Variants in VWA5B1 observed in about 807,000 individuals in gnomAD.
VWA5B1 encodes the protein von Willebrand factor A domain containing 5B1.
A neutral mutation model predicts 118.2 loss-of-function variants in VWA5B1; 115 were observed. The observed-to-expected ratio is 0.97, with a 90% CI of 0.84 to 1.14. The LOEUF (loss-of-function observed/expected upper bound fraction) is 1.14. Ranked by LOEUF, VWA5B1 falls within the 50% of genes most tolerant of loss-of-function variation. The pLI is 0.00. For synonymous variants in VWA5B1, 682 were observed against 658.4 expected (o/e 1.04, Z -0.55); for missense variants, 1,596 against 1,603.8 (o/e 1.00, Z 0.08).
At chr1:20,305,661 T>C (rs1361569232) in intron 1 of VWA5B1, among the ~76,000 whole-genome samples, 1 of 151,700 alleles carries the variant, frequency 6.6e-6, no homozygotes, top group Non-Finnish European at 1.5e-5. Flanking sequence ...AGGGGAAGGT[T>C]TGGAGAGGTG....
chr1:20,322,026 G>C (rs944850810), intron 7 of VWA5B1, among the ~76,000 whole-genome samples: 15 of 152,210 alleles, frequency 9.9e-5, no homozygotes, highest in African/African-American at 3.4e-4. Flanking sequence ...AAGAGAGCAG[G>C]ATGAGACTAT....
intron 1 of VWA5B1, among the ~76,000 whole-genome samples, chr1:20,295,856 GAGGTTGT>G (rs2088396705): frequency 6.6e-6 from 1 of 152,138 alleles, no homozygotes; most frequent in South Asian, 2.1e-4. Context: ...CCATAGATGT[GAGGTTGT>G]AGGTTGTTTG....
At chr1:20,318,516 G>C (rs774432931) in intron 5 of VWA5B1, 74 bp from the exon 6 acceptor site, 2 of 1,539,106 alleles carry the variant, frequency 1.3e-6, no homozygotes, top group Non-Finnish European at 1.8e-6. Context: ...CCTGGATCTC[G>C]GTGTGCCCCA....
At chr1:20,351,230 G>A (rs899591628) in intron 20 of VWA5B1, among the ~76,000 whole-genome samples, 1 of 152,188 alleles carries the variant, frequency 6.6e-6, no homozygotes, top group Non-Finnish European at 1.5e-5. Context: ...AGTAAAAGAG[G>A]GTCACAATCC....
intron 11 of VWA5B1, among the ~76,000 whole-genome samples, chr1:20,332,514 T>TAA (rs1351250006): frequency 6.7e-6 from 1 of 148,446 alleles, no homozygotes; most frequent in African/African-American, 2.5e-5. Context: ...TAAAATAAAA[T>TAA]AAAATAAAAT....
chr1:20,327,618 A>G (rs1042192430), intron 8 of VWA5B1, among the ~76,000 whole-genome samples: 1 of 150,094 alleles, frequency 6.7e-6, no homozygotes. Context: ...GACCTGCTAC[A>G]TGGATAAGTT....
intron 12 of VWA5B1, among the ~76,000 whole-genome samples, chr1:20,335,220 C>T (rs751320290): frequency 1.3e-5 from 2 of 152,026 alleles, no homozygotes; most frequent in Admixed American, 6.6e-5. Flanking sequence ...GAAGCTGAGG[C>T]GGGAGGATTG....
In VWA5B1 at chr1:20,310,676, C is replaced by G; in HGVS notation, c.75C>G (p.Ser25Arg). ...LTASDVTSCV[S>R]GYALGLTASL... The stretch of plus-strand genomic sequence containing the variant: ...CGTCTGATGTTACCTCCTGTGTCAG[C>G]GGTTATGCCCTGGGCCTAACTGCCT... Residue 25 changes from serine to arginine, a missense_variant, in exon 2 of 22, where the codon AGC (serine) becomes AGG (arginine). Ser to Arg is a moderately radical substitution (Grantham distance 110). Transcript: ENST00000289815. 6.4e-7 allele frequency: 1 copy of G among 1,551,114 alleles called. No homozygotes were observed.
At chr1:20,332,539 TAA>T (rs1176709228) in intron 11 of VWA5B1, among the ~76,000 whole-genome samples, 1 of 136,366 alleles carries the variant, frequency 7.3e-6, no homozygotes, top group Non-Finnish European at 1.6e-5. Context: ...TAAAATAAAA[TAA>T]AATAAAATGC....
intron 19 of VWA5B1, 38 bp from the exon 20 acceptor site, chr1:20,350,819 T>G: frequency 6.5e-7 from 1 of 1,543,234 alleles, no homozygotes; most frequent in Non-Finnish European, 8.8e-7. Flanking sequence ...GACGGGGTCA[T>G]CTTCAGGTCT....
intron 1 of VWA5B1, among the ~76,000 whole-genome samples, chr1:20,291,359 T>TCTCTCTCTCTCTCTCTCTCTC (rs2088297636): frequency 1.9e-5 from 2 of 103,336 alleles, no homozygotes; most frequent in African/African-American, 3.6e-5. Context: ...CTTTCTTTCT[T>TCTCTCTCTCTCTCTCTCTCTC]TCTCTCTCTC....
intron 2 of VWA5B1, among the ~76,000 whole-genome samples, chr1:20,311,997 T>C (rs1482510588): frequency 6.6e-6 from 1 of 152,158 alleles, no homozygotes; most frequent in East Asian, 1.9e-4. Flanking sequence ...AGTGCCCCCA[T>C]TTTACAGATG....
intron 1 of VWA5B1, among the ~76,000 whole-genome samples, chr1:20,298,562 G>T (rs567527696): frequency 6.6e-6 from 1 of 152,006 alleles, no homozygotes; most frequent in Non-Finnish European, 1.5e-5. Flanking sequence ...GGCGCTTTAT[G>T]CACAGTTCTC....
At chr1:20,317,753 G>C in intron 5 of VWA5B1, 78 bp downstream of exon 5, 119 of 542,478 alleles carry the variant, frequency 2.2e-4, no homozygotes, top group Non-Finnish European at 3.7e-4. Context: ...GACGGGGGTG[G>C]GAAGGAAAGC....
chr1:20,348,413 C>G, intron 18 of VWA5B1, 55 bp downstream of exon 18: 2 of 1,529,176 alleles, frequency 1.3e-6, no homozygotes, highest in Non-Finnish European at 1.8e-6. Flanking sequence ...AAGCCTGGGC[C>G]CCTGAGGTTA....
intron 16 of VWA5B1, among the ~76,000 whole-genome samples, chr1:20,344,054 T>G (rs2089956754): frequency 7.4e-6 from 1 of 134,380 alleles, no homozygotes; most frequent in South Asian, 2.5e-4. Context: ...CCAATCGCCC[T>G]TCCCCTCACA....
chr1:20,350,218 G>C lies in VWA5B1; in HGVS notation c.2941G>C (p.Gly981Arg). Residue 981 changes from glycine to arginine, a missense_variant, in exon 19 of 22, where the codon GGT becomes CGT. Gly to Arg is a moderately radical substitution (Grantham distance 125, BLOSUM62 -2). Coordinates refer to ENST00000289815, the MANE Select transcript of VWA5B1 (RefSeq NM_001039500.3). ...EARSPGREKH[G>R]ASEGPQRSLA... Reference sequence around the variant, plus strand: ...CAGGTCCCCCGGCCGCGAGAAGCACGGTGCTTCTGAAGGTGAGTGGGCAGG... The same window carrying C: ...CAGGTCCCCCGGCCGCGAGAAGCACCGTGCTTCTGAAGGTGAGTGGGCAGG... 1.9e-6 allele frequency: 3 copies of C among 1,551,084 alleles called. No individual in the cohort carries two copies. Among genetic ancestry groups the C allele is most frequent in the Non-Finnish European group, 2.6e-6 (3 of 1,146,988 alleles).
chr1:20,323,061 C>G (rs1230459633), intron 7 of VWA5B1: 15 of 244,820 alleles, frequency 6.1e-5, no homozygotes, highest in Non-Finnish European at 9.3e-5. Flanking sequence ...ATTATTCGCC[C>G]CATTTTACAA....
At chr1:20,294,380 T>C (rs10753493) in intron 1 of VWA5B1, 110,596 of 152,216 alleles carry the variant, frequency 0.73, 40,750 homozygotes, top group East Asian at 0.94. Context: ...CAGTTAGACA[T>C]GGGGGTTGGG....
Sources: allele counts gnomAD v4.1 joint callset (sites outside exome capture counted in the v4.1 genomes callset), GRCh38; gene constraint gnomAD v4.1.1; transcripts MANE v1.5; gene names NCBI Gene and HGNC (gene_info 2026-07-23, HGNC 2026-07-21).